The following C12orf42 variants were observed in gnomAD, a reference collection of about 807,000 sequenced individuals.
C12orf42 encodes uncharacterized protein C12orf42.
Under a neutral mutation model 21.6 loss-of-function variants are expected in C12orf42, and 25 were observed. The observed-to-expected ratio is 1.16, with a 90% CI of 0.84 to 1.62. C12orf42 has a LOEUF of 1.62. C12orf42 is among the 40% of genes most tolerant of loss of function. The probability of loss-of-function intolerance (pLI) is 0.00; values close to 1 mark genes in which losing one functional copy is unlikely to be tolerated. For missense variants in C12orf42, 483 were observed against 459.3 expected, an observed-to-expected ratio of 1.05 and a Z score of -0.47; for synonymous variants, 174 against 175.0, an observed-to-expected ratio of 0.99 and a Z score of 0.05.
At chr12:103,491,555 T>A (rs1015816855) in intron 1 of C12orf42, among the ~76,000 whole-genome samples, 2 of 152,236 alleles carry the variant, frequency 1.3e-5, no homozygotes, top group Non-Finnish European at 2.9e-5. Context: ...CACTCTATTG[T>A]TATCTGGCTT....
At chr12:103,168,050 G>T in the C12orf42 span, 1 of 455,644 alleles carries the variant, frequency 2.2e-6, no homozygotes. Flanking sequence ...GAGGGAGAAT[G>T]GGAGAAACAA....
intron 2 of C12orf42, among the ~76,000 whole-genome samples, chr12:103,460,463 A>G (rs1952622907): frequency 1.3e-5 from 2 of 152,318 alleles, no homozygotes; most frequent in South Asian, 4.1e-4. Context: ...GAGCAAGAGT[A>G]AATGGATTTG....
chr12:103,469,150 G>T (rs1953382873), intron 2 of C12orf42, among the ~76,000 whole-genome samples: 1 of 152,170 alleles, frequency 6.6e-6, no homozygotes, highest in Non-Finnish European at 1.5e-5. Context: ...CGTCCAATTG[G>T]TGTTAAAGGG....
downstream of C12orf42, among the ~76,000 whole-genome samples, chr12:103,235,815 C>T (rs1350359824): frequency 2.0e-5 from 3 of 152,260 alleles, no homozygotes; most frequent in South Asian, 4.1e-4. Context: ...CTCCCATTTA[C>T]ATGTTGAATT....
chr12:103,191,518 G>A, the C12orf42 span, among the ~76,000 whole-genome samples: 1 of 122,182 alleles, frequency 8.2e-6, no homozygotes, highest in Non-Finnish European at 1.6e-5. Flanking sequence ...GACCAGCTGG[G>A]CAACATGGTG....
chr12:103,158,563 A>C, the C12orf42 span, among the ~76,000 whole-genome samples: 1 of 152,118 alleles, frequency 6.6e-6, no homozygotes. Flanking sequence ...ATTCAATTTC[A>C]TCTTCTGCTT....
chr12:103,512,953 GAT>G, the C12orf42 span, among the ~76,000 whole-genome samples: 1 of 151,296 alleles, frequency 6.6e-6, no homozygotes, highest in Admixed American at 6.6e-5. Flanking sequence ...AGTGAGCTGA[GAT>G]TGCGCCATTG....
At chr12:103,456,235 A>T (rs889685902) in intron 2 of C12orf42, 1 of 152,148 alleles carries the variant, frequency 6.6e-6, no homozygotes, top group Non-Finnish European at 1.5e-5. Flanking sequence ...ATGAAGCCCA[A>T]CCAGTTCCTC....
At chr12:103,526,992 T>C in the C12orf42 span, among the ~76,000 whole-genome samples, 1 of 152,180 alleles carries the variant, frequency 6.6e-6, no homozygotes, top group Non-Finnish European at 1.5e-5. Context: ...TTGGCGTTAG[T>C]GGTTCCCATT....
intron 2 of C12orf42, among the ~76,000 whole-genome samples, chr12:103,461,614 T>C (rs1952704955): frequency 1.3e-5 from 2 of 152,208 alleles, no homozygotes; most frequent in Admixed American, 6.5e-5. Flanking sequence ...AGAGTACTGA[T>C]ATAGGAATCT....
chr12:103,233,772 A>C (rs2033380070), downstream of C12orf42, among the ~76,000 whole-genome samples: 1 of 152,198 alleles, frequency 6.6e-6, no homozygotes, highest in South Asian at 2.1e-4. Context: ...ACCTACAAAG[A>C]AAGACAGTTT....
At chr12:103,060,149 C>CTCAGGATTTTGCACAG in the C12orf42 span, among the ~76,000 whole-genome samples, 1 of 152,142 alleles carries the variant, frequency 6.6e-6, no homozygotes, top group Non-Finnish European at 1.5e-5. Context: ...GATACAAAAT[C>CTCAGGATTTTGCACAG]AATGTGCAAA....
At chr12:103,189,953 AC>A in the C12orf42 span, among the ~76,000 whole-genome samples, 1 of 150,986 alleles carries the variant, frequency 6.6e-6, no homozygotes, top group African/African-American at 2.4e-5. Flanking sequence ...GAGGGACAGA[AC>A]AATTGGATAT....
chr12:103,548,375 T>C, the C12orf42 span, among the ~76,000 whole-genome samples: 1 of 152,208 alleles, frequency 6.6e-6, no homozygotes, highest in Non-Finnish European at 1.5e-5. Flanking sequence ...ATTTAAAAGA[T>C]AGCAATTGAA....
chr12:103,491,071 G>A (rs1955156677), intron 1 of C12orf42, among the ~76,000 whole-genome samples: 1 of 152,044 alleles, frequency 6.6e-6, no homozygotes, highest in African/African-American at 2.4e-5. Context: ...CAGTGTTTAT[G>A]TATTAAATTT....
chr12:103,284,456 A>T (rs1455285307), intron 4 of C12orf42, among the ~76,000 whole-genome samples: 1 of 152,222 alleles, frequency 6.6e-6, no homozygotes, highest in Admixed American at 6.5e-5. Context: ...GTCTGCCCAC[A>T]GGTAGCTCTC....
chr12:103,131,779 A>T, the C12orf42 span, among the ~76,000 whole-genome samples: 1 of 151,948 alleles, frequency 6.6e-6, no homozygotes, highest in Non-Finnish European at 1.5e-5. Context: ...ATGTTGTTGG[A>T]TGATGTTGTT....
chr12:103,197,587 G>A, the C12orf42 span, among the ~76,000 whole-genome samples: 1 of 152,144 alleles, frequency 6.6e-6, no homozygotes, highest in Non-Finnish European at 1.5e-5. Context: ...GTCTGATTAA[G>A]AATAATTGCT....
chr12:103,293,272 G>T (rs1470378350), intron 4 of C12orf42, among the ~76,000 whole-genome samples: 2 of 151,824 alleles, frequency 1.3e-5, no homozygotes, highest in Non-Finnish European at 2.9e-5. Flanking sequence ...CATGTCTTTT[G>T]CCTTACTCAG....
Sources: gnomAD v4.1 joint callset for allele counts (sites outside exome capture counted in the v4.1 genomes callset) on GRCh38, gnomAD v4.1.1 for gene constraint, MANE v1.5 for transcripts, NCBI Gene and HGNC (gene_info 2026-07-23, HGNC 2026-07-21) for gene names.